Variants in DIO2 observed in about 807,000 individuals in gnomAD.
The protein encoded by DIO2 is type II iodothyronine deiodinase.
A neutral mutation model predicts 21.4 loss-of-function variants in DIO2; 19 were observed. That is an observed-to-expected ratio of 0.89 (90% confidence interval 0.62 to 1.30). The LOEUF (loss-of-function observed/expected upper bound fraction) is 1.30. Ranked by LOEUF, DIO2 falls within the 50% of genes most tolerant of loss-of-function variation. The pLI, the probability that DIO2 is intolerant of heterozygous loss-of-function variation, is 0.00. For synonymous variants in DIO2, 122 were observed against 132.9 expected (o/e 0.92, Z 0.57); for missense variants, 302 against 338.1 (o/e 0.89, Z 0.84).
chr14:80,204,666 C>T (rs1328681585), intron 1 of DIO2, among the ~76,000 whole-genome samples: 2 of 152,118 alleles, frequency 1.3e-5, no homozygotes, highest in Admixed American at 1.3e-4. Flanking sequence ...ACTGGGTTGA[C>T]TTATTTCCCT....
intron 1 of DIO2, among the ~76,000 whole-genome samples, chr14:80,208,211 T>A (rs1888025489): frequency 6.6e-6 from 1 of 152,250 alleles, no homozygotes; most frequent in East Asian, 1.9e-4. Context: ...GAAACTTAAA[T>A]AACAAACACC....
chr14:80,207,513 G>A (rs185914210), intron 1 of DIO2, among the ~76,000 whole-genome samples: 1 of 152,238 alleles, frequency 6.6e-6, no homozygotes, highest in East Asian at 1.9e-4. Context: ...AAAAATGAAG[G>A]GTGGGTGTGT....
intron 1 of DIO2, among the ~76,000 whole-genome samples, chr14:80,210,164 C>G (rs778441173): frequency 1.7e-4 from 26 of 150,924 alleles, no homozygotes; most frequent in South Asian, 4.2e-4. Context: ...ATTTTGATAA[C>G]TACTTTTGCC....
At chr14:80,213,239 TTCATCCTG>T (rs1888268302), upstream of DIO2, among the ~76,000 whole-genome samples, 1 of 152,162 alleles carries the variant, frequency 6.6e-6, no homozygotes, top group Admixed American at 6.5e-5. Context: ...ATTCTACTTT[TTCATCCTG>T]TGTTACCTAA....
chr14:80,227,920 T>C (rs1020090773), intron 2 of DIO2, among the ~76,000 whole-genome samples: 2 of 152,188 alleles, frequency 1.3e-5, no homozygotes, highest in African/African-American at 4.8e-5. Context: ...TGCAGCAACT[T>C]ATCCTTTACC....
intron 1 of DIO2, among the ~76,000 whole-genome samples, chr14:80,209,216 C>A (rs185882272): frequency 6.6e-6 from 1 of 152,084 alleles, no homozygotes; most frequent in East Asian, 1.9e-4. Flanking sequence ...GGAGAAACAA[C>A]CTCACTTAAT....
chr14:80,211,173 C>T lies in DIO2; in HGVS notation c.222+78G>A, dbSNP rs1018404793. The T allele has an allele frequency of 2.9e-6, 4 of 1,398,032 alleles. No homozygotes were observed. The African/African-American group carries it at 5.7e-5, about 20-fold the overall frequency. 86.6% of individuals were successfully genotyped at this position (1,398,032 alleles called of 1,614,324 possible). The stretch of plus-strand genomic sequence containing the variant: ...GCTTCACAGCTCTCCCCCCAATGCT[C>T]CCAATGGCCTCTGGTCCCCAGCATA... On this transcript the variant is annotated intron_variant, in intron 1 of 1. Coordinates refer to ENST00000438257, the MANE Select transcript of DIO2 (RefSeq NM_013989.5).
At chr14:80,221,382 T>A (rs1263584025) in intron 2 of DIO2, among the ~76,000 whole-genome samples, 1 of 152,206 alleles carries the variant, frequency 6.6e-6, no homozygotes, top group East Asian at 1.9e-4. Flanking sequence ...TTTGTCTGAG[T>A]ACCTACATGC....
chr14:80,220,197 T>C (rs10150064), intron 2 of DIO2, among the ~76,000 whole-genome samples: 24,206 of 152,010 alleles, frequency 0.16, 2,668 homozygotes, highest in East Asian at 0.3. Flanking sequence ...GCCTCAGCCT[T>C]CTGAGCAGCT....
chr14:80,210,960 G>A (rs1888158984), intron 1 of DIO2, among the ~76,000 whole-genome samples: 1 of 152,158 alleles, frequency 6.6e-6, no homozygotes, highest in East Asian at 1.9e-4. Flanking sequence ...CTTTTCCCAA[G>A]TTATCGTACC....
chr14:80,226,037 C>T (rs1454949445), intron 2 of DIO2, among the ~76,000 whole-genome samples: 4 of 152,132 alleles, frequency 2.6e-5, no homozygotes, highest in South Asian at 2.1e-4. Context: ...GCAAAAATTT[C>T]GCTAGTGGAT....
intron 1 of DIO2, among the ~76,000 whole-genome samples, chr14:80,207,933 G>A (rs1288278337): frequency 1.3e-5 from 2 of 152,152 alleles, no homozygotes. Context: ...AAGGCTTGAG[G>A]TGAATGAAGA....
At chr14:80,206,456 T>TAA in intron 1 of DIO2, 1 of 582,048 alleles carries the variant, frequency 1.7e-6, no homozygotes, top group Non-Finnish European at 2.9e-6. Flanking sequence ...CCATAAAAAT[T>TAA]AAATTCCTAA....
intron 2 of DIO2, among the ~76,000 whole-genome samples, chr14:80,223,142 C>G (rs936148717): frequency 2.6e-5 from 4 of 152,026 alleles, no homozygotes; most frequent in Admixed American, 2.6e-4. Flanking sequence ...TCCATCATGC[C>G]CAGCCTGGAA....
At chr14:80,227,338 T>G (rs1888596804) in intron 2 of DIO2, among the ~76,000 whole-genome samples, 1 of 152,210 alleles carries the variant, frequency 6.6e-6, no homozygotes, top group Admixed American at 6.5e-5. Flanking sequence ...AACTTACTTA[T>G]GCCTTCAGGA....
At position 80,228,866 on chromosome 14, in the gene DIO2, A is replaced by G. The variant is rs534477443; in HGVS notation, c.-277-12129T>C. 4.6e-5 allele frequency among the ~76,000 whole-genome samples: 7 copies of G among 152,300 alleles called. No individual in the cohort carries two copies. In the East Asian group the frequency reaches 1.4e-3, roughly 29 times the overall value. On this transcript the variant is annotated intron_variant, in intron 2 of 4. Transcript: ENST00000553594. ...ATGACATTTTGGGTCCCCTGGAATC[A>G]ACATCAGCTCAGAGCCAGTGTCAAG...
upstream of DIO2, among the ~76,000 whole-genome samples, chr14:80,215,213 A>G (rs1888323636): frequency 6.6e-6 from 1 of 152,218 alleles, no homozygotes; most frequent in South Asian, 2.1e-4. Context: ...AATTCCAAAG[A>G]GAAGCAGCCT....
chr14:80,205,819 G>T (rs1887932251), intron 1 of DIO2: 7 of 776,802 alleles, frequency 9.0e-6, no homozygotes, highest in Non-Finnish European at 1.2e-5. Context: ...ATTAGGGTTA[G>T]ACTGGGAAGT....
At chr14:80,220,701 T>G (rs1888448905) in intron 2 of DIO2, among the ~76,000 whole-genome samples, 2 of 152,212 alleles carry the variant, frequency 1.3e-5, no homozygotes, top group Admixed American at 6.5e-5. Flanking sequence ...TACATTTCCA[T>G]TCTTCCAATT....
Sources: allele counts gnomAD v4.1 joint callset (sites outside exome capture counted in the v4.1 genomes callset), GRCh38; gene constraint gnomAD v4.1.1; transcripts MANE v1.5; gene names NCBI Gene and HGNC (gene_info 2026-07-23, HGNC 2026-07-21).